ZFAND3: variants seen among roughly 807,000 people sequenced by gnomAD.
ZFAND3 encodes the protein zinc finger AN1-type containing 3.
In ZFAND3, 10 loss-of-function variants were observed where a neutral mutation model predicts 29.6. The observed-to-expected ratio is 0.34, with a 90% confidence interval of 0.21 to 0.57. The LOEUF (loss-of-function observed/expected upper bound fraction) is 0.57, where lower values mean the gene tolerates loss of function less well. Ranked by LOEUF, ZFAND3 falls within the 20% of genes least tolerant of loss-of-function variation. ZFAND3 has a pLI of 0.86. For missense variants in ZFAND3, 230 were observed against 304.5 expected, an observed-to-expected ratio of 0.76 and a Z score of 1.82; for synonymous variants, 128 against 112.6, an observed-to-expected ratio of 1.14 and a Z score of -0.87.
intron 2 of ZFAND3, among the ~76,000 whole-genome samples, chr6:38,048,653 A>AG (rs1004239597): frequency 2.1e-5 from 3 of 144,760 alleles, no homozygotes; most frequent in African/African-American, 7.5e-5. Flanking sequence ...CTGTTTTATG[A>AG]GGGGCAGCTG....
intron 5 of ZFAND3, among the ~76,000 whole-genome samples, chr6:38,134,150 C>T (rs1020822947): frequency 6.6e-6 from 1 of 152,142 alleles, no homozygotes; most frequent in Non-Finnish European, 1.5e-5. Flanking sequence ...TCTGGAAAAC[C>T]GGGTCCACAG....
intron 2 of ZFAND3, among the ~76,000 whole-genome samples, chr6:37,943,473 GT>G (rs1761847820): frequency 6.6e-6 from 1 of 152,134 alleles, no homozygotes; most frequent in Admixed American, 6.5e-5. Context: ...AAGTGACAGT[GT>G]TTTCCTTAAC....
chr6:37,934,339 C>T (rs551515588), intron 2 of ZFAND3, among the ~76,000 whole-genome samples: 1 of 152,088 alleles, frequency 6.6e-6, no homozygotes, highest in South Asian at 2.1e-4. Flanking sequence ...CTTTCTCAGT[C>T]TTAAGAGAAA....
intron 1 of ZFAND3, among the ~76,000 whole-genome samples, chr6:37,877,041 G>A (rs1276406748): frequency 1.3e-5 from 2 of 152,142 alleles, no homozygotes; most frequent in Non-Finnish European, 2.9e-5. Flanking sequence ...ATTTATGCAA[G>A]TACTTTATGT....
chr6:38,107,579 C>T (rs1003999098), intron 4 of ZFAND3, among the ~76,000 whole-genome samples: 5 of 152,206 alleles, frequency 3.3e-5, no homozygotes, highest in African/African-American at 4.8e-5. Context: ...CACCTGTAAT[C>T]CCAGCACTTG....
chr6:38,039,435 T>C (rs1763718792), intron 2 of ZFAND3, among the ~76,000 whole-genome samples: 1 of 152,182 alleles, frequency 6.6e-6, no homozygotes, highest in African/African-American at 2.4e-5. Flanking sequence ...ACATTTGTGT[T>C]CTGGGTTGTA....
At chr6:37,853,275 C>G (rs1764315381) in intron 1 of ZFAND3, among the ~76,000 whole-genome samples, 1 of 151,970 alleles carries the variant, frequency 6.6e-6, no homozygotes, top group African/African-American at 2.4e-5. Flanking sequence ...CATGGAAGAT[C>G]AGGCTTGGAT....
At chr6:38,012,893 A>C (rs1043108031) in intron 2 of ZFAND3, among the ~76,000 whole-genome samples, 3 of 152,174 alleles carry the variant, frequency 2.0e-5, no homozygotes, top group Admixed American at 6.5e-5. Flanking sequence ...TTTTTTATAC[A>C]AAATTCTTTT....
At chr6:38,128,479 C>A (rs974631232) in intron 5 of ZFAND3, among the ~76,000 whole-genome samples, 1 of 152,190 alleles carries the variant, frequency 6.6e-6, no homozygotes, top group Non-Finnish European at 1.5e-5. Flanking sequence ...TTATCCCTCA[C>A]CCCCTTCCCA....
At chr6:38,139,013 G>A (rs181356098) in intron 5 of ZFAND3, among the ~76,000 whole-genome samples, 16 of 152,330 alleles carry the variant, frequency 1.1e-4, no homozygotes, top group Middle Eastern at 3.4e-3. Context: ...GCAGGAGGAC[G>A]TGATGCTGGG....
chr6:38,092,788 G>A (rs907082073), intron 4 of ZFAND3, among the ~76,000 whole-genome samples: 9 of 152,282 alleles, frequency 5.9e-5, no homozygotes, highest in Non-Finnish European at 1.3e-4. Flanking sequence ...AATCTGTAAC[G>A]GAGCCACAGA....
intron 4 of ZFAND3, among the ~76,000 whole-genome samples, chr6:38,109,178 C>CA (rs1215861474): frequency 1.5e-5 from 2 of 130,726 alleles, no homozygotes; most frequent in African/African-American, 2.8e-5. Flanking sequence ...GCTGCCATGA[C>CA]TTTTTTTTTT....
intron 2 of ZFAND3, among the ~76,000 whole-genome samples, chr6:38,032,204 T>C (rs902185132): frequency 1.3e-5 from 2 of 152,242 alleles, no homozygotes; most frequent in Non-Finnish European, 2.9e-5. Context: ...AATACTATTA[T>C]AGATTACTGT....
At chr6:38,008,719 C>T (rs1453035527) in intron 2 of ZFAND3, among the ~76,000 whole-genome samples, 1 of 152,024 alleles carries the variant, frequency 6.6e-6, no homozygotes, top group Non-Finnish European at 1.5e-5. Context: ...TTCCTGTTCC[C>T]TATCCTTACG....
chr6:37,919,007 G>A, intron 1 of ZFAND3, among the ~76,000 whole-genome samples: 1 of 140,072 alleles, frequency 7.1e-6, no homozygotes, highest in Non-Finnish European at 1.5e-5. Flanking sequence ...AGGCTGGAGT[G>A]CAGTGGCGCA....
At chr6:37,962,356 G>A (rs1762212140) in intron 2 of ZFAND3, among the ~76,000 whole-genome samples, 1 of 152,180 alleles carries the variant, frequency 6.6e-6, no homozygotes, top group African/African-American at 2.4e-5. Flanking sequence ...CTAGAGAATA[G>A]CTATAAGAGG....
At position 37,920,311 on chromosome 6, in the gene ZFAND3, GT is replaced by G. The variant is rs1006836133; in HGVS notation, c.72-9637del. Among the ~76,000 whole-genome samples the G allele has an allele frequency of 7.2e-4, 103 of 142,942 alleles. 1 individual carries two copies. Among genetic ancestry groups the G allele is most frequent in the African/African-American group, 1.5e-3 (60 of 39,156 alleles). The allele number at this position is 142,942 out of a possible 152,430, so 93.8% of individuals were successfully genotyped here. Reference sequence around the variant, plus strand: ...ATTTGGCATTTTAATTCACTTCATTGTTTTTTTTTTTCTCCTTTTCTACAGG... The same window carrying G: ...ATTTGGCATTTTAATTCACTTCATTGTTTTTTTTTTCTCCTTTTCTACAGG... On this transcript the variant is annotated intron_variant, in intron 1 of 5. Transcript: ENST00000287218.
rs185894244 is a variant in ZFAND3, at chr6:37,950,850, G to A, written c.112+20851G>A. ...TGCTTAGGATTGCTTTGGTTATTCT[G>A]GCTCTTTTTTGGTTCCATATGAATT... On this transcript the variant is annotated intron_variant, in intron 2 of 5. Transcript: ENST00000287218. 3.1e-3 allele frequency among the ~76,000 whole-genome samples: 470 copies of A among 152,202 alleles called. 3 individuals are homozygous for A. The highest frequency in any genetic ancestry group is 0.011 in the African/African-American group (447 of 41,532).
At chr6:37,991,004 G>T (rs77756496) in intron 2 of ZFAND3, among the ~76,000 whole-genome samples, 9,395 of 152,302 alleles carry the variant, frequency 0.062, 360 homozygotes, top group Non-Finnish European at 0.087. Flanking sequence ...ATAAGAGTTT[G>T]TCTTTGTGGG....
Sources: gnomAD v4.1 joint callset for allele counts (sites outside exome capture counted in the v4.1 genomes callset) on GRCh38, gnomAD v4.1.1 for gene constraint, MANE v1.5 for transcripts, NCBI Gene and HGNC (gene_info 2026-07-23, HGNC 2026-07-21) for gene names.